The following SAMM50 variants were observed in gnomAD, a reference collection of about 807,000 sequenced individuals.
SAMM50 encodes sorting and assembly machinery component 50 homolog.
Under a neutral mutation model 66.9 loss-of-function variants are expected in SAMM50, and 47 were observed. That is an observed-to-expected ratio of 0.70 (90% confidence interval 0.56 to 0.90). The LOEUF (loss-of-function observed/expected upper bound fraction) is 0.90. Ranked by LOEUF, SAMM50 falls within the 40% of genes least tolerant of loss-of-function variation. The probability of loss-of-function intolerance (pLI) is 0.00; values close to 1 mark genes in which losing one functional copy is unlikely to be tolerated. For synonymous variants in SAMM50, 191 were observed against 214.1 expected, an observed-to-expected ratio of 0.89 and a Z score of 0.94; for missense variants, 535 against 595.3, an observed-to-expected ratio of 0.90 and a Z score of 1.05.
intron 14 of SAMM50, among the ~76,000 whole-genome samples, chr22:43,992,558 C>CA (rs966170515): frequency 6.6e-6 from 1 of 152,224 alleles, no homozygotes; most frequent in African/African-American, 2.4e-5. Flanking sequence ...CCTGGGGGCC[C>CA]AGCTACCCGG....
intron 14 of SAMM50, among the ~76,000 whole-genome samples, chr22:43,991,040 G>C (rs892535044): frequency 6.6e-6 from 1 of 150,734 alleles, no homozygotes; most frequent in Non-Finnish European, 1.5e-5. Flanking sequence ...GCAATAGCAC[G>C]ATCTTGGCTC....
chr22:43,984,918 C>T (rs949978775), intron 12 of SAMM50, among the ~76,000 whole-genome samples: 15 of 151,820 alleles, frequency 9.9e-5, no homozygotes, highest in African/African-American at 3.7e-4. Context: ...ATGTGAGCCA[C>T]TGCGCCTGGC....
intron 14 of SAMM50, among the ~76,000 whole-genome samples, chr22:43,992,664 C>T (rs541891150): frequency 3.3e-4 from 51 of 152,326 alleles, no homozygotes; most frequent in Non-Finnish European, 6.9e-4. Flanking sequence ...AGAGGATGGA[C>T]GATCATGATG....
In SAMM50 at chr22:43,972,927, G is replaced by C; in HGVS notation, c.486G>C (p.Gln162His). ...LLGRAEKVTF[Q>H]FSYGTKETSY... is the part of the protein sequence containing the mutation. The stretch of plus-strand genomic sequence containing the variant: ...GTCGTGCAGAAAAGGTGACCTTTCA[G>C]TTTTCCTATGGAACAAAAGAAACTT... The change falls in exon 6 of 15, where the codon CAG becomes CAC. Residue 162 changes from glutamine to histidine, a missense_variant. Gln to His is a conservative substitution (Grantham distance 24, BLOSUM62 0). Coordinates refer to ENST00000350028, the MANE Select transcript of SAMM50 (RefSeq NM_015380.5). The C allele has an allele frequency of 6.2e-7, 1 of 1,603,252 alleles. No homozygotes were observed. The highest frequency in any genetic ancestry group is 8.5e-7 in the Non-Finnish European group (1 of 1,177,818).
chr22:43,982,993 G>A (rs1007774637), intron 11 of SAMM50, among the ~76,000 whole-genome samples: 14 of 152,166 alleles, frequency 9.2e-5, no homozygotes, highest in Admixed American at 3.3e-4. Flanking sequence ...TGTTAATGGG[G>A]TATTCAGAAA....
intron 9 of SAMM50, among the ~76,000 whole-genome samples, 185 bp downstream of exon 9, chr22:43,977,006 A>C (rs570838563): frequency 1.8e-4 from 28 of 152,068 alleles, no homozygotes; most frequent in African/African-American, 6.0e-4. Context: ...ATTGCTCCCT[A>C]CCCCCTGCAG....
At chr22:43,979,405 C>G (rs1222789679) in intron 10 of SAMM50, among the ~76,000 whole-genome samples, 1 of 152,242 alleles carries the variant, frequency 6.6e-6, no homozygotes, top group African/African-American at 2.4e-5. Flanking sequence ...CATCCACTGA[C>G]CTGCACAGTG....
intron 10 of SAMM50, among the ~76,000 whole-genome samples, chr22:43,980,147 T>C (rs1427202694): frequency 5.8e-5 from 1 of 17,362 alleles, no homozygotes; most frequent in Admixed American, 6.7e-4. Context: ...CATCCATCCA[T>C]CCATCCATCC....
In SAMM50 at chr22:43,990,401, C is replaced by T. The variant is rs7587; in HGVS notation, c.1359C>T (p.Gly453=). The change falls in exon 14 of 15, where the codon GGC becomes GGT. Residue 453 remains glycine, a synonymous_variant. Transcript: ENST00000350028. ...NYCVPMGVQT[G]DRICDGVQFG... ...GCGTCCCCATGGGAGTACAGACAGGCGACAGGTACGTGTTGGGAATTATTT... is the reference window on the plus strand; with the variant it reads ...GCGTCCCCATGGGAGTACAGACAGGTGACAGGTACGTGTTGGGAATTATTT... The T allele has an allele frequency of 0.22, 355,434 of 1,612,542 alleles. 40,194 individuals are homozygous for T. Among genetic ancestry groups the T allele is most frequent in the East Asian group, 0.35 (15,698 of 44,856 alleles).
rs938187573 is a variant in SAMM50, at chr22:43,991,275, A to ATT, written c.1364+889_1364+890dup. On this transcript the variant is annotated intron_variant, in intron 14 of 14. Transcript: ENST00000350028. ...ATAGGCATGAGCCACCACGCCCGGCATTTTTTTTTTTTTTTTTTTTTGAGA... is the reference window on the plus strand; with the variant it reads ...ATAGGCATGAGCCACCACGCCCGGCATTTTTTTTTTTTTTTTTTTTTTTGAGA... Among the ~76,000 whole-genome samples the ATT allele has an allele frequency of 4.9e-4, 57 of 116,634 alleles. No homozygotes were observed. In the Middle Eastern group the frequency reaches 0.016, roughly 33 times the overall value. 76.5% of individuals were successfully genotyped at this position (116,634 alleles called of 152,430 possible). A position where few individuals can be genotyped will look rare whatever the true frequency, so the allele number is the denominator to read the frequency against.
chr22:43,987,590 C>G (rs1273507485), intron 12 of SAMM50: 1 of 152,126 alleles, frequency 6.6e-6, no homozygotes, highest in Non-Finnish European at 1.5e-5. Context: ...CTGGTGCTCT[C>G]TGGGCAGATG....
In SAMM50 at chr22:43,996,462, G is replaced by A. The variant is rs754343557; in HGVS notation, c.*79G>A. ...GCCACACACCGTCTCTCGAGGAAAC[G>A]CGGTTCAGCGATTCTTTGACTGCGG... On this transcript the variant is annotated 3_prime_UTR_variant, in exon 15 of 15. Transcript: ENST00000350028. 3.0e-6 allele frequency: 4 copies of A among 1,349,714 alleles called. No homozygotes were observed. Among genetic ancestry groups the A allele is most frequent in the Non-Finnish European group, 4.3e-6 (4 of 939,616 alleles). 83.6% of individuals were successfully genotyped at this position (1,349,714 alleles called of 1,614,324 possible). A position where few individuals can be genotyped will look rare whatever the true frequency, so the allele number is the denominator to read the frequency against.
intron 14 of SAMM50, 38 bp downstream of exon 14, chr22:43,990,444 C>G: frequency 6.3e-7 from 1 of 1,594,552 alleles, no homozygotes; most frequent in African/African-American, 1.3e-5. Flanking sequence ...TCACATCCCA[C>G]TCTCCAGTAA....
chr22:43,974,307 C>T (rs1015055069), intron 7 of SAMM50, among the ~76,000 whole-genome samples: 3 of 152,168 alleles, frequency 2.0e-5, no homozygotes, highest in African/African-American at 7.2e-5. Flanking sequence ...ACCACCTGGG[C>T]TTGACTCCCC....
At chr22:43,994,161 A>G (rs774451882) in intron 14 of SAMM50, among the ~76,000 whole-genome samples, 2 of 152,176 alleles carry the variant, frequency 1.3e-5, no homozygotes, top group Non-Finnish European at 2.9e-5. Context: ...GTGCTTGCAG[A>G]AGACACGCAG....
chr22:43,995,656 G>A (rs1475616711), intron 14 of SAMM50, among the ~76,000 whole-genome samples: 3 of 152,196 alleles, frequency 2.0e-5, no homozygotes, highest in Non-Finnish European at 4.4e-5. Flanking sequence ...GGGTGCCCCT[G>A]AGCCGGGTCT....
chr22:43,974,936 G>C (rs1156728344), intron 7 of SAMM50: 1 of 88,230 alleles, frequency 1.1e-5, no homozygotes, highest in African/African-American at 4.4e-5. Context: ...CTCGGCCCTC[G>C]GGTGGGTGCA....
At chr22:43,963,469 G>A in intron 2 of SAMM50, 73 bp downstream of exon 2, 3 of 876,978 alleles carry the variant, frequency 3.4e-6, no homozygotes, top group South Asian at 1.8e-5. Context: ...CTAGGGAGAT[G>A]TAAAGGAATT....
chr22:43,983,839 A>G lies in SAMM50; in HGVS notation c.1008-94A>G, dbSNP rs562206586. 17 of 843,896 alleles carry G rather than the reference A, an allele frequency of 2.0e-5. 1 individual carries two copies. In the South Asian group the frequency reaches 2.9e-4, roughly 14 times the overall value. 52.3% of individuals were successfully genotyped at this position (843,896 alleles called of 1,614,324 possible). A position where few individuals can be genotyped will look rare whatever the true frequency, so the allele number is the denominator to read the frequency against. ...AATGCTGTCGATAATCTAGTATCGA[A>G]TGTGAGTCTGACATGTGTTTCCTAC... On this transcript the variant is annotated intron_variant, in intron 11 of 14. Coordinates refer to ENST00000350028, the MANE Select transcript of SAMM50 (RefSeq NM_015380.5). The surrounding 1 kb of genome is among the most constrained non-coding windows in gnomAD (Gnocchi z 4.2).
Sources: allele counts gnomAD v4.1 joint callset (sites outside exome capture counted in the v4.1 genomes callset), GRCh38; gene constraint gnomAD v4.1.1; non-coding constraint Gnocchi (gnomAD v3.1); transcripts MANE v1.5; gene names NCBI Gene and HGNC (gene_info 2026-07-23, HGNC 2026-07-21).